JRK: variants seen among roughly 807,000 people sequenced by gnomAD.
JRK encodes the protein jerky protein homolog.
For synonymous variants in JRK, 303 were observed against 218.1 expected, an observed-to-expected ratio of 1.39 and a Z score of -3.43; for missense variants, 720 against 509.2, an observed-to-expected ratio of 1.41 and a Z score of -3.98.
chr8:142,649,920 T>A, the JRK span, among the ~76,000 whole-genome samples: 1 of 152,260 alleles, frequency 6.6e-6, no homozygotes, highest in African/African-American at 2.4e-5. Context: ...GCTTGCACCG[T>A]GTGCCTGGAA....
At chr8:142,656,926 C>G (rs1846765153), downstream of JRK, among the ~76,000 whole-genome samples, 1 of 152,146 alleles carries the variant, frequency 6.6e-6, no homozygotes, top group African/African-American at 2.4e-5. Flanking sequence ...CCACAGCTCA[C>G]CTCATAAATC....
Position 142,665,334 on chromosome 8 carries a change from C to T in JRK, c.725G>A (p.Arg242Lys), listed in dbSNP as rs891993525. 1.4e-6 allele frequency: 1 copy of T among 717,548 alleles called. No individual in the cohort carries two copies. Among genetic ancestry groups the T allele is most frequent in the African/African-American group, 1.7e-5 (1 of 57,256 alleles). The allele number at this position is 717,548 out of a possible 1,614,324, so 44.4% of individuals were successfully genotyped here. A position where few individuals can be genotyped will look rare whatever the true frequency, so the allele number is the denominator to read the frequency against. ...CAGGTGCTGGATGCCTTTGAAAGCC[C>T]TGGGACCGCTGCACTTCCCGATGGC... is the stretch of plus-strand genomic sequence containing the variant. ...PLAIGKCSGP[R>K]AFKGIQHLPV... is the part of the protein sequence containing the mutation. Residue 242 changes from arginine to lysine, a missense_variant, in exon 2 of 2, where the codon AGG becomes AAG. Coordinates refer to ENST00000612905, the MANE Select transcript of JRK (RefSeq NM_003724.4).
rs782761021 is a variant in JRK, at chr8:142,665,760, T to G, written c.299A>C (p.Lys100Thr). ...DRVLYEWFLG[K>T]RSEGVPVSGP... ...TGACACGGGGACGCCCTCGGAGCGCTTCCCCAGGAACCACTCGTACAGGAC... is the reference window on the plus strand; with the variant it reads ...TGACACGGGGACGCCCTCGGAGCGCGTCCCCAGGAACCACTCGTACAGGAC... The change falls in exon 2 of 2, where the codon AAG becomes ACG. Residue 100 changes from lysine (K) to threonine (T), a missense_variant. Transcript: ENST00000612905. 10 of 776,318 alleles carry G rather than the reference T, an allele frequency of 1.3e-5. No individual in the cohort carries two copies. The highest frequency in any genetic ancestry group is 2.2e-5 in the Non-Finnish European group (9 of 416,088). The allele number at this position is 776,318 out of a possible 1,614,324, so 48.1% of individuals were successfully genotyped here.
intron 1 of JRK, among the ~76,000 whole-genome samples, chr8:142,667,176 G>A (rs1847153100): frequency 6.8e-6 from 1 of 147,176 alleles, no homozygotes; most frequent in Admixed American, 7.0e-5. Flanking sequence ...GGTGCTGCCA[G>A]TTTCTCAATC....
In JRK at chr8:142,661,960, A is replaced by G; in HGVS notation, c.*2392T>C. 2.0e-6 allele frequency: 2 copies of G among 985,554 alleles called. No individual in the cohort carries two copies. Among genetic ancestry groups the G allele is most frequent in the Non-Finnish European group, 2.4e-6 (2 of 830,042 alleles). The allele number at this position is 985,554 out of a possible 1,614,324, so 61.1% of individuals were successfully genotyped here. On this transcript the variant is annotated 3_prime_UTR_variant, in exon 2 of 2. Transcript: ENST00000612905. ...TGGGCCCAGCAGCTCAGAGATGAGT[A>G]CGCTCTGGGCTCCCTAAAAACCTCA...
rs957137660 is a variant in JRK at position 142,661,972 on chromosome 8, C to T, written c.*2380G>A. ...CTCAGAGATGAGTACGCTCTGGGCT[C>T]CCTAAAAACCTCACTCCAGCAGCGA... On this transcript the variant is annotated 3_prime_UTR_variant, in exon 2 of 2. Transcript: ENST00000612905. The T allele has an allele frequency of 1.1e-5, 11 of 985,454 alleles. No homozygotes were observed. The highest frequency in any genetic ancestry group is 1.3e-5 in the Non-Finnish European group (11 of 829,988). The allele number at this position is 985,454 out of a possible 1,614,324, so 61.0% of individuals were successfully genotyped here.
Position 142,665,996 on chromosome 8 carries a change from T to C in JRK, c.63A>G (p.Thr21=), listed in dbSNP as rs587662465. ...TGCAGATGTCAATCTTCTCCTTCAGTGTCAGCACCACCCTCTTCCGCTTCT... is the reference window on the plus strand; with the variant it reads ...TGCAGATGTCAATCTTCTCCTTCAGCGTCAGCACCACCCTCTTCCGCTTCT... The part of the protein sequence containing the change: ...RGEKRKRVVL[T]LKEKIDICTR... Residue 21 remains threonine (T), a synonymous_variant, in exon 2 of 2, where the codon ACA becomes ACG. Transcript: ENST00000612905. 4 of 1,325,350 alleles carry C rather than the reference T, an allele frequency of 3.0e-6. No individual in the cohort carries two copies. The Admixed American group carries it at 6.7e-5, about 22-fold the overall frequency. 82.1% of individuals were successfully genotyped at this position (1,325,350 alleles called of 1,614,324 possible). A position where few individuals can be genotyped will look rare whatever the true frequency, so the allele number is the denominator to read the frequency against.
At chr8:142,652,105 C>T in the JRK span, among the ~76,000 whole-genome samples, 1 of 152,060 alleles carries the variant, frequency 6.6e-6, no homozygotes, top group South Asian at 2.1e-4. Context: ...TTCCAGGCCT[C>T]AGTAAATTGC....
rs1306411881 is a variant in JRK, at chr8:142,660,297, C to A, written c.*4055G>T. On this transcript the variant is annotated 3_prime_UTR_variant, in exon 2 of 2. Coordinates refer to ENST00000612905, the MANE Select transcript of JRK (RefSeq NM_003724.4). ...CCTGCCTCCCAGGCCACCACCCACC[C>A]CTCACGGCTGCCACACCCACCAGCC... 5.1e-6 allele frequency: 5 copies of A among 985,640 alleles called. No individual in the cohort carries two copies. Among genetic ancestry groups the A allele is most frequent in the African/African-American group, 1.7e-5 (1 of 57,230 alleles). The allele number at this position is 985,640 out of a possible 1,614,324, so 61.1% of individuals were successfully genotyped here. A position where few individuals can be genotyped will look rare whatever the true frequency, so the allele number is the denominator to read the frequency against.
chr8:142,646,349 TAAC>T, the JRK span, among the ~76,000 whole-genome samples: 1 of 152,178 alleles, frequency 6.6e-6, no homozygotes, highest in Non-Finnish European at 1.5e-5. Flanking sequence ...ACAAAGATGA[TAAC>T]AAACCCTACT....
rs1846954462 is a variant in JRK, at chr8:142,662,712, AGC to A, written c.*1638_*1639del. The A allele has an allele frequency of 1.0e-6, 1 of 985,396 alleles. No individual in the cohort carries two copies. Among genetic ancestry groups the A allele is most frequent in the Non-Finnish European group, 1.2e-6 (1 of 829,954 alleles). 61.0% of individuals were successfully genotyped at this position (985,396 alleles called of 1,614,324 possible). On this transcript the variant is annotated 3_prime_UTR_variant, in exon 2 of 2. Coordinates refer to ENST00000612905, the MANE Select transcript of JRK (RefSeq NM_003724.4). ...GAGATGTGAAAGTACGAGAAACCAC[AGC>A]GAGCCAAATCCTCTCCTTCATGAGA...
Position 142,664,237 on chromosome 8 carries a change from C to T in JRK, c.*115G>A. 1 of 1,432,114 alleles carries T rather than the reference C, an allele frequency of 7.0e-7. No homozygotes were observed. The highest frequency in any genetic ancestry group is 2.5e-5 in the East Asian group (1 of 39,500). 88.7% of individuals were successfully genotyped at this position (1,432,114 alleles called of 1,614,324 possible). A position where few individuals can be genotyped will look rare whatever the true frequency, so the allele number is the denominator to read the frequency against. On this transcript the variant is annotated 3_prime_UTR_variant, in exon 2 of 2. Coordinates refer to ENST00000612905, the MANE Select transcript of JRK (RefSeq NM_003724.4). ...CGTGGGCGACCCACTCCTGGAAGGG[C>T]TCTTGAGTGTCTGCACATGCCCTCC...
rs1235593580 is a variant in JRK at position 142,665,022 on chromosome 8, G to A, written c.1037C>T (p.Pro346Leu). Residue 346 changes from proline (P) to leucine (L), a missense_variant, in exon 2 of 2, where the codon CCT becomes CTT. Coordinates refer to ENST00000612905, the MANE Select transcript of JRK (RefSeq NM_003724.4). Reference protein sequence around the residue: ...RRDFMRNFINPPVPLQGPHAR... With the variant: ...RRDFMRNFINLPVPLQGPHAR... The stretch of plus-strand genomic sequence containing the variant: ...GTGGGGGCCCTGCAGGGGGACCGGA[G>A]GGTTAATGAAGTTCCTCATGAAATC... 7 of 715,736 alleles carry A rather than the reference G, an allele frequency of 9.8e-6. No homozygotes were observed. Among genetic ancestry groups the A allele is most frequent in the Non-Finnish European group, 1.6e-5 (6 of 383,670 alleles). 44.3% of individuals were successfully genotyped at this position (715,736 alleles called of 1,614,324 possible). A position where few individuals can be genotyped will look rare whatever the true frequency, so the allele number is the denominator to read the frequency against.
At chr8:142,668,216 A>G (rs1236479830) in intron 1 of JRK, among the ~76,000 whole-genome samples, 3 of 152,218 alleles carry the variant, frequency 2.0e-5, no homozygotes, top group Non-Finnish European at 4.4e-5. Flanking sequence ...GCCTACTTAC[A>G]TGTGGAGCGC....
rs1554635305 is a variant in JRK at position 142,664,740 on chromosome 8, C to G, written c.1319G>C (p.Trp440Ser). The G allele has an allele frequency of 6.3e-7, 1 of 1,597,690 alleles. No individual in the cohort carries two copies. Among genetic ancestry groups the G allele is most frequent in the East Asian group, 2.3e-5 (1 of 44,152 alleles). Residue 440 changes from tryptophan to serine, a missense_variant, in exon 2 of 2, where the codon TGG becomes TCG. Physicochemically the swap from Trp to Ser is radical, Grantham distance 177. Coordinates refer to ENST00000612905, the MANE Select transcript of JRK (RefSeq NM_003724.4). The stretch of plus-strand genomic sequence containing the variant: ...TTCTGCCTCCCTTCCCGCTACCCCC[C>G]AGCTGGCGGCCTGGCGCTGGCGAAG... ...GQLRQRQAASWGVAGREAEGG... is the reference protein window; with the variant it reads ...GQLRQRQAASSGVAGREAEGG...
Position 142,660,676 on chromosome 8 carries a change from T to A in JRK, c.*3676A>T. 1 of 984,364 alleles carries A rather than the reference T, an allele frequency of 1.0e-6. No individual in the cohort carries two copies. Among genetic ancestry groups the A allele is most frequent in the Non-Finnish European group, 1.2e-6 (1 of 829,066 alleles). 61.0% of individuals were successfully genotyped at this position (984,364 alleles called of 1,614,324 possible). A position where few individuals can be genotyped will look rare whatever the true frequency, so the allele number is the denominator to read the frequency against. ...CGTGGCCTTCCAGAGTACTGGGATTTCAGGCAGAAGCCACCACACCCGGAT... is the reference window on the plus strand; with the variant it reads ...CGTGGCCTTCCAGAGTACTGGGATTACAGGCAGAAGCCACCACACCCGGAT... On this transcript the variant is annotated 3_prime_UTR_variant, in exon 2 of 2. Transcript: ENST00000612905.
At chr8:142,669,348 C>T (rs1235131909) in intron 1 of JRK, among the ~76,000 whole-genome samples, 1 of 152,104 alleles carries the variant, frequency 6.6e-6, no homozygotes, top group African/African-American at 2.4e-5. Flanking sequence ...GGGCCGTGCG[C>T]CCCGCAGAGA....
Position 142,661,575 on chromosome 8 carries a change from G to A in JRK, c.*2777C>T. 1.0e-6 allele frequency: 1 copy of A among 985,540 alleles called. No homozygotes were observed. The highest frequency in any genetic ancestry group is 1.2e-6 in the Non-Finnish European group (1 of 829,994). 61.0% of individuals were successfully genotyped at this position (985,540 alleles called of 1,614,324 possible). On this transcript the variant is annotated 3_prime_UTR_variant, in exon 2 of 2. Transcript: ENST00000612905. ...AAAACTGAGGCTGCAACTTGCAGGGGCACTGTGAGAAGACAGGGAGTGGCT... is the reference window on the plus strand; with the variant it reads ...AAAACTGAGGCTGCAACTTGCAGGGACACTGTGAGAAGACAGGGAGTGGCT...
At chr8:142,655,804 T>C (rs1846740078), downstream of JRK, among the ~76,000 whole-genome samples, 1 of 152,260 alleles carries the variant, frequency 6.6e-6, no homozygotes, top group Non-Finnish European at 1.5e-5. Context: ...GCTTTTACAC[T>C]GGGTATTTTC....
Sources: allele counts gnomAD v4.1 joint callset (sites outside exome capture counted in the v4.1 genomes callset), GRCh38; gene constraint gnomAD v4.1.1; transcripts MANE v1.5; gene names NCBI Gene and HGNC (gene_info 2026-07-23, HGNC 2026-07-21).